Variants in MLLT10 observed in about 807,000 individuals in gnomAD.
MLLT10 encodes protein AF-10.
MLLT10 carries 30 observed loss-of-function variants against 129.1 expected under a neutral mutation model. The observed-to-expected ratio is 0.23, with a 90% confidence interval of 0.17 to 0.32. The LOEUF (loss-of-function observed/expected upper bound fraction) is 0.32. Among genes scored for constraint, MLLT10 ranks in the 10% least tolerant of loss-of-function variants. The pLI, the probability that MLLT10 is intolerant of heterozygous loss-of-function variation, is 1.00. For missense variants in MLLT10, 1,119 were observed against 1,268.3 expected, an observed-to-expected ratio of 0.88 and a Z score of 1.79; for synonymous variants, 490 against 446.4, an observed-to-expected ratio of 1.10 and a Z score of -1.23.
chr10:21,661,247 G>A (rs1038471796), intron 9 of MLLT10, among the ~76,000 whole-genome samples: 3 of 152,166 alleles, frequency 2.0e-5, no homozygotes, highest in African/African-American at 7.2e-5. Context: ...TTCCATGTAA[G>A]CTGGAGAATA....
At chr10:21,542,182 T>C (rs1381762323) in intron 3 of MLLT10, among the ~76,000 whole-genome samples, 4 of 152,184 alleles carry the variant, frequency 2.6e-5, no homozygotes, top group African/African-American at 9.6e-5. Flanking sequence ...CCAGCATCAT[T>C]TGCCTCAAAT....
At chr10:21,681,254 T>C (rs376601834) in intron 11 of MLLT10, 78 bp from the exon 12 acceptor site, 1 of 1,577,842 alleles carries the variant, frequency 6.3e-7, no homozygotes, top group Non-Finnish European at 8.6e-7. Context: ...TCCCTCCATT[T>C]TTCTGGCCTA....
At chr10:21,626,334 G>C (rs1438410645) in intron 8 of MLLT10, 11 of 838,212 alleles carry the variant, frequency 1.3e-5, no homozygotes, top group East Asian at 1.0e-4. Context: ...CCAGTGCAAG[G>C]CATTTTGAAA....
intron 19 of MLLT10, 46 bp downstream of exon 19, chr10:21,733,638 A>ATAAT: frequency 6.8e-7 from 1 of 1,460,628 alleles, no homozygotes; most frequent in Non-Finnish European, 9.1e-7. Context: ...TTACTTGTGA[A>ATAAT]TAATAGTATA....
At chr10:21,666,802 T>C (rs1259560855) in intron 9 of MLLT10, among the ~76,000 whole-genome samples, 1 of 152,216 alleles carries the variant, frequency 6.6e-6, no homozygotes, top group African/African-American at 2.4e-5. Context: ...CTGAAAAATA[T>C]TGAATAGAAA....
intron 2 of MLLT10, among the ~76,000 whole-genome samples, chr10:21,536,677 C>T (rs1395815993): frequency 1.3e-5 from 2 of 152,130 alleles, no homozygotes; most frequent in African/African-American, 4.8e-5. Context: ...AAGCCATCTT[C>T]CCACTTCAGC....
chr10:21,599,777 A>G (rs1163878782), intron 5 of MLLT10, among the ~76,000 whole-genome samples: 1 of 152,138 alleles, frequency 6.6e-6, no homozygotes, highest in Non-Finnish European at 1.5e-5. Flanking sequence ...AATGATGCCC[A>G]GGCTGATCTT....
In MLLT10 at chr10:21,722,123, C is replaced by A. The variant is rs1209373831; in HGVS notation, c.1879-4121C>A. Among the ~76,000 whole-genome samples, 6 of 151,912 alleles carry A rather than the reference C, an allele frequency of 3.9e-5. No homozygotes were observed. The East Asian group carries it at 7.7e-4, about 20-fold the overall frequency. ...AACTTAAGTTTGTTATGGCAGTTTT[C>A]TTAATTTGAAATAATTTTCGATATA... On this transcript the variant is annotated intron_variant, in intron 14 of 22. Transcript: ENST00000307729.
chr10:21,740,414 T>G (rs919778077), intron 22 of MLLT10, among the ~76,000 whole-genome samples, 178 bp downstream of exon 22: 2 of 152,198 alleles, frequency 1.3e-5, no homozygotes, highest in African/African-American at 4.8e-5. Flanking sequence ...CCTAAGTATA[T>G]CAGTTTGAAT....
chr10:21,613,638 AC>A (rs1453823548), intron 6 of MLLT10, among the ~76,000 whole-genome samples: 3 of 152,096 alleles, frequency 2.0e-5, no homozygotes, highest in Admixed American at 6.5e-5. Context: ...ACTGTGGCTT[AC>A]GCCTGTAATC....
chr10:21,713,109 A>T (rs184637614), intron 13 of MLLT10, among the ~76,000 whole-genome samples: 1 of 151,812 alleles, frequency 6.6e-6, no homozygotes, highest in Admixed American at 6.6e-5. Context: ...GGAGCTGCCA[A>T]CTCATAGCCC....
intron 3 of MLLT10, among the ~76,000 whole-genome samples, chr10:21,545,652 A>C (rs1328620907): frequency 6.6e-6 from 1 of 152,186 alleles, no homozygotes; most frequent in African/African-American, 2.4e-5. Flanking sequence ...AATTAAACAC[A>C]CTTTCTCATG....
At chr10:21,544,196 G>A (rs765770250) in intron 3 of MLLT10, among the ~76,000 whole-genome samples, 1 of 152,200 alleles carries the variant, frequency 6.6e-6, no homozygotes, top group Non-Finnish European at 1.5e-5. Context: ...CTTAACCACT[G>A]TGTTACCTCT....
At chr10:21,701,209 C>CTT (rs78462656) in intron 13 of MLLT10, among the ~76,000 whole-genome samples, 7 of 148,276 alleles carry the variant, frequency 4.7e-5, no homozygotes, top group Non-Finnish European at 7.4e-5. Context: ...GTTCTTACCT[C>CTT]TTTTTTTTGC....
chr10:21,621,787 C>G (rs185485437), intron 8 of MLLT10, among the ~76,000 whole-genome samples: 2 of 152,172 alleles, frequency 1.3e-5, no homozygotes, highest in African/African-American at 4.8e-5. Context: ...GAATGTGGGT[C>G]CCTCTTCTGT....
intron 3 of MLLT10, among the ~76,000 whole-genome samples, chr10:21,543,089 G>A (rs550027736): frequency 1.2e-4 from 18 of 152,028 alleles, no homozygotes; most frequent in African/African-American, 4.1e-4. Flanking sequence ...CTCCGGAGTA[G>A]CTGAGATTAC....
At chr10:21,585,270 G>A (rs2041888485) in intron 3 of MLLT10, among the ~76,000 whole-genome samples, 1 of 151,994 alleles carries the variant, frequency 6.6e-6, no homozygotes, top group African/African-American at 2.4e-5. Flanking sequence ...GAAACAAAGT[G>A]GGATATAAAT....
intron 3 of MLLT10, among the ~76,000 whole-genome samples, chr10:21,565,631 G>T (rs2039454301): frequency 1.4e-5 from 2 of 140,282 alleles, no homozygotes; most frequent in Non-Finnish European, 1.5e-5. Context: ...TTTGAGACAT[G>T]GTCTTGCTCT....
intron 10 of MLLT10, among the ~76,000 whole-genome samples, chr10:21,671,342 A>G (rs1448067012): frequency 6.6e-6 from 1 of 152,166 alleles, no homozygotes; most frequent in Non-Finnish European, 1.5e-5. Context: ...TTTTTTATTT[A>G]TATTTCCTAA....
Sources: allele counts gnomAD v4.1 joint callset (sites outside exome capture counted in the v4.1 genomes callset), GRCh38; gene constraint gnomAD v4.1.1; transcripts MANE v1.5; gene names NCBI Gene and HGNC (gene_info 2026-07-23, HGNC 2026-07-21).